Variants in PEBP4 observed in about 807,000 individuals in gnomAD.
PEBP4 encodes the protein phosphatidylethanolamine binding protein 4.
In PEBP4, 22 loss-of-function variants were observed where a neutral mutation model predicts 23.9. The ratio of observed to expected loss-of-function variants is 0.92; its 90% confidence interval spans 0.66 to 1.31. PEBP4 has a LOEUF of 1.31. Among genes scored for constraint, PEBP4 ranks in the 40% most tolerant of loss-of-function variants. The pLI, the probability that PEBP4 is intolerant of heterozygous loss-of-function variation, is 0.00. For missense variants in PEBP4, 324 were observed against 281.7 expected, an observed-to-expected ratio of 1.15 and a Z score of -1.07; for synonymous variants, 112 against 99.3, an observed-to-expected ratio of 1.13 and a Z score of -0.76.
intron 4 of PEBP4, among the ~76,000 whole-genome samples, chr8:22,727,894 G>A (rs1804649833): frequency 6.6e-6 from 1 of 152,064 alleles, no homozygotes; most frequent in African/African-American, 2.4e-5. Flanking sequence ...CAGTGTCTAT[G>A]GGATAATGAG....
intron 4 of PEBP4, among the ~76,000 whole-genome samples, chr8:22,810,703 T>A (rs57365560): frequency 7.8e-6 from 1 of 128,352 alleles, no homozygotes; most frequent in Non-Finnish European, 1.8e-5. Context: ...TGTGTGTGTG[T>A]GTGTGTGTGT....
intron 4 of PEBP4, among the ~76,000 whole-genome samples, chr8:22,795,006 T>G (rs1014342706): frequency 1.3e-5 from 2 of 151,608 alleles, no homozygotes; most frequent in Non-Finnish European, 2.9e-5. Context: ...CAGTTTTTCA[T>G]GGCTTCCTTA....
chr8:22,908,115 C>G, intron 3 of PEBP4, among the ~76,000 whole-genome samples: 1 of 151,880 alleles, frequency 6.6e-6, no homozygotes, highest in Non-Finnish European at 1.5e-5. Flanking sequence ...GAAGATGGAG[C>G]AGGCTGGGGT....
chr8:22,916,597 T>G (rs7817198), intron 3 of PEBP4, among the ~76,000 whole-genome samples: 14,159 of 152,266 alleles, frequency 0.093, 862 homozygotes, highest in African/African-American at 0.17. Flanking sequence ...GCCGACAGTT[T>G]GGCTGACACA....
intron 4 of PEBP4, among the ~76,000 whole-genome samples, chr8:22,799,828 A>G (rs1806345038): frequency 6.6e-6 from 1 of 152,190 alleles, no homozygotes; most frequent in Non-Finnish European, 1.5e-5. Context: ...TAGAAATACC[A>G]TTTGACCCAG....
intron 5 of PEBP4, among the ~76,000 whole-genome samples, chr8:22,726,888 G>T (rs898758182): frequency 5.3e-5 from 8 of 152,108 alleles, no homozygotes; most frequent in African/African-American, 1.9e-4. Flanking sequence ...GTGGACAGGG[G>T]TTACAAGCAG....
chr8:22,743,475 A>G (rs759062931), intron 4 of PEBP4, among the ~76,000 whole-genome samples: 4 of 152,162 alleles, frequency 2.6e-5, no homozygotes, highest in Non-Finnish European at 4.4e-5. Flanking sequence ...TTCCCAAACC[A>G]GAAGGGACCA....
chr8:22,816,619 C>A (rs935540572), intron 4 of PEBP4, among the ~76,000 whole-genome samples: 1 of 152,236 alleles, frequency 6.6e-6, no homozygotes, highest in Admixed American at 6.5e-5. Flanking sequence ...TCCCATATTA[C>A]AGAGCAAGAT....
At chr8:22,760,249 G>A (rs1280921731) in intron 4 of PEBP4, among the ~76,000 whole-genome samples, 1 of 152,154 alleles carries the variant, frequency 6.6e-6, no homozygotes, top group East Asian at 1.9e-4. Context: ...AGGTCACCTA[G>A]CTGTTGAGTG....
chr8:22,938,413 C>T (rs944936449), intron 1 of PEBP4, among the ~76,000 whole-genome samples: 6 of 152,196 alleles, frequency 3.9e-5, no homozygotes, highest in Non-Finnish European at 7.3e-5. Context: ...AACATCACTT[C>T]CTTTAGGGTA....
At chr8:22,919,328 A>G (rs1384532786) in intron 3 of PEBP4, among the ~76,000 whole-genome samples, 1 of 152,180 alleles carries the variant, frequency 6.6e-6, no homozygotes, top group Non-Finnish European at 1.5e-5. Flanking sequence ...ATCTCCAGGC[A>G]TTTGTGACCC....
At chr8:22,871,928 T>C (rs1167859481) in intron 3 of PEBP4, among the ~76,000 whole-genome samples, 1 of 152,056 alleles carries the variant, frequency 6.6e-6, no homozygotes, top group Non-Finnish European at 1.5e-5. Flanking sequence ...TATCCCTCAC[T>C]CCCAACCTCC....
intron 2 of PEBP4, among the ~76,000 whole-genome samples, chr8:22,925,593 G>A (rs1415768300): frequency 2.6e-5 from 4 of 152,156 alleles, no homozygotes; most frequent in Admixed American, 1.3e-4. Context: ...GACTTCCCAC[G>A]TGTGTCCCCA....
At chr8:22,882,388 G>T (rs1189614051) in intron 3 of PEBP4, among the ~76,000 whole-genome samples, 1 of 152,216 alleles carries the variant, frequency 6.6e-6, no homozygotes, top group African/African-American at 2.4e-5. Context: ...AGCCAGCAGG[G>T]GGTCCCAGTT....
intron 4 of PEBP4, chr8:22,754,841 C>A (rs1375688707): frequency 6.6e-6 from 1 of 152,294 alleles, no homozygotes; most frequent in African/African-American, 2.4e-5. Context: ...GTTTGAGACC[C>A]ATCTCTGCTG....
Position 22,880,259 on chromosome 8 carries a change from C to A in PEBP4, c.258+39925G>T, listed in dbSNP as rs1037392956. Among the ~76,000 whole-genome samples, 5 of 152,302 alleles carry A rather than the reference C, an allele frequency of 3.3e-5. 1 individual carries two copies. The South Asian group carries it at 1.0e-3, about 32-fold the overall frequency. ...GGGCCCCACCTCTTCAGTGGGTGCC[C>A]ATGTGACCTTAGCCACCTCAACTAC... On this transcript the variant is annotated intron_variant, in intron 3 of 6. Transcript: ENST00000256404.
At chr8:22,905,534 G>C (rs1360532664) in intron 3 of PEBP4, among the ~76,000 whole-genome samples, 1 of 152,182 alleles carries the variant, frequency 6.6e-6, no homozygotes, top group East Asian at 1.9e-4. Flanking sequence ...GATCAGCTAT[G>C]TATTTACTTG....
chr8:22,734,674 G>A (rs1012470920), intron 4 of PEBP4, among the ~76,000 whole-genome samples: 3 of 152,126 alleles, frequency 2.0e-5, no homozygotes, highest in African/African-American at 4.8e-5. Flanking sequence ...CTGGATCTCC[G>A]GCTGCCAAAG....
chr8:22,926,031 A>T (rs955971444), intron 2 of PEBP4, among the ~76,000 whole-genome samples: 1 of 152,206 alleles, frequency 6.6e-6, no homozygotes. Flanking sequence ...GCTAGAGTGC[A>T]GTGGCGCAAT....
Sources: gnomAD v4.1 joint callset for allele counts (sites outside exome capture counted in the v4.1 genomes callset) on GRCh38, gnomAD v4.1.1 for gene constraint, MANE v1.5 for transcripts, NCBI Gene and HGNC (gene_info 2026-07-23, HGNC 2026-07-21) for gene names.